Variants in SLC16A3 observed in about 807,000 individuals in gnomAD.
The protein encoded by SLC16A3 is solute carrier family 16 member 3, also known as monocarboxylate transporter 4.
In SLC16A3, 22 loss-of-function variants were observed where a neutral mutation model predicts 25.0. The observed-to-expected ratio is 0.88, with a 90% CI of 0.63 to 1.26. The LOEUF (loss-of-function observed/expected upper bound fraction) is 1.26, where lower values mean the gene tolerates loss of function less well. Among genes scored for constraint, SLC16A3 ranks in the 50% most tolerant of loss-of-function variants. The pLI is 0.00. For missense variants in SLC16A3, 731 were observed against 666.6 expected (o/e 1.10, Z -1.06); for synonymous variants, 390 against 309.2 (o/e 1.26, Z -2.74).
At chr17:82,224,953 GC>G (rs1446086669), upstream of SLC16A3, among the ~76,000 whole-genome samples, 1 of 152,146 alleles carries the variant, frequency 6.6e-6, no homozygotes, top group Non-Finnish European at 1.5e-5. Context: ...TTTCACCTCT[GC>G]CCCCTACCTG....
rs763021958 is a variant in SLC16A3, at chr17:82,238,697, C to T, written c.1124-5C>T. The T allele has an allele frequency of 4.1e-5, 66 of 1,605,084 alleles. No homozygotes were observed. Among genetic ancestry groups the T allele is most frequent in the Non-Finnish European group, 5.2e-5 (61 of 1,175,616 alleles). On this transcript the variant is annotated splice_polypyrimidine_tract_variant and splice_region_variant and intron_variant, in intron 4 of 4. Transcript: ENST00000582743. Reference sequence around the variant, plus strand: ...GCGGCTGGGACTGACGGGGTCTTCCCGCAGGCAAACTCCTGGATGCGACCC... The same window carrying T: ...GCGGCTGGGACTGACGGGGTCTTCCTGCAGGCAAACTCCTGGATGCGACCC...
At chr17:82,230,697 A>C (rs911062363) in intron 1 of SLC16A3, 1 of 152,274 alleles carries the variant, frequency 6.6e-6, no homozygotes, top group African/African-American at 2.4e-5. Flanking sequence ...TGTGGGCCAC[A>C]CTCTGGGCCC....
intron 1 of SLC16A3, among the ~76,000 whole-genome samples, chr17:82,219,944 A>G (rs1428500044): frequency 6.6e-6 from 1 of 152,118 alleles, no homozygotes; most frequent in Non-Finnish European, 1.5e-5. Context: ...GGGGTGGGAC[A>G]CAGGGCAGGT....
chr17:82,225,866 C>G (rs75576125), upstream of SLC16A3, among the ~76,000 whole-genome samples: 2 of 152,246 alleles, frequency 1.3e-5, no homozygotes, highest in East Asian at 3.9e-4. Context: ...CCTGTTCTGC[C>G]ACCCTCCCTG....
upstream of SLC16A3, among the ~76,000 whole-genome samples, chr17:82,227,317 GGGGTTCA>G (rs964708904): frequency 7.2e-5 from 11 of 152,040 alleles, no homozygotes; most frequent in Non-Finnish European, 1.3e-4. Context: ...CTCTACGGTG[GGGGTTCA>G]GGGTTCAGGG....
intron 1 of SLC16A3, among the ~76,000 whole-genome samples, chr17:82,218,254 C>T (rs960364576): frequency 2.8e-4 from 33 of 116,662 alleles, no homozygotes; most frequent in African/African-American, 1.1e-3. Flanking sequence ...AGCCCAGCCT[C>T]GGTCACTGGG....
upstream of SLC16A3, chr17:82,228,406 A>G (rs1239220242): frequency 6.6e-6 from 1 of 152,086 alleles, no homozygotes; most frequent in Non-Finnish European, 1.5e-5. Context: ...GCGCGGAGCC[A>G]CCTGGGGAAA....
chr17:82,236,495 G>A (rs538234387), intron 2 of SLC16A3: 17 of 635,776 alleles, frequency 2.7e-5, no homozygotes, highest in African/African-American at 5.5e-5. Context: ...CCTGAGAGCC[G>A]TTCCTGAAAA....
chr17:82,219,168 C>T (rs2050373650), intron 1 of SLC16A3, among the ~76,000 whole-genome samples: 1 of 152,050 alleles, frequency 6.6e-6, no homozygotes, highest in Non-Finnish European at 1.5e-5. Flanking sequence ...TGCAGGGAAG[C>T]CCCCAAGCTG....
In SLC16A3 at chr17:82,237,507, C is replaced by CCGT. The variant is rs1413567422; in HGVS notation, c.738_740dup (p.Val247dup). On this transcript the variant is annotated inframe_insertion, in exon 4 of 5. Coordinates refer to ENST00000582743, the MANE Select transcript of SLC16A3 (RefSeq NM_004207.4). The stretch of plus-strand genomic sequence containing the variant: ...ATGGTGCTGGGGCTCTTCGTCCCGC[C>CCGT]CGTGTTCGTGGTGAGCTACGCCAAG... The CCGT allele has an allele frequency of 1.1e-5, 17 of 1,611,498 alleles. No individual in the cohort carries two copies. The highest frequency in any genetic ancestry group is 6.7e-5 in the Admixed American group (4 of 59,956).
At chr17:82,233,341 C>G (rs1417489924) in intron 1 of SLC16A3, among the ~76,000 whole-genome samples, 1 of 152,178 alleles carries the variant, frequency 6.6e-6, no homozygotes, top group Non-Finnish European at 1.5e-5. Context: ...TGGCCCTCCC[C>G]ACATGAGCGT....
upstream of SLC16A3, among the ~76,000 whole-genome samples, chr17:82,226,549 G>C (rs543221892): frequency 1.3e-5 from 2 of 152,144 alleles, no homozygotes; most frequent in Non-Finnish European, 2.9e-5. Flanking sequence ...ACACATCCAG[G>C]GTTGTTGAGG....
chr17:82,238,480 A>G (rs1038100580), intron 4 of SLC16A3, among the ~76,000 whole-genome samples: 1 of 152,110 alleles, frequency 6.6e-6, no homozygotes, highest in African/African-American at 2.4e-5. Context: ...CCACAAAGCC[A>G]TTGCTATTTT....
chr17:82,234,271 GGT>G (rs1308250293), intron 1 of SLC16A3: 1 of 147,554 alleles, frequency 6.8e-6, no homozygotes, highest in Non-Finnish European at 1.5e-5. Flanking sequence ...GTCCTAAGGT[GGT>G]GTGTCCTGAG....
In SLC16A3 at chr17:82,239,633, A is replaced by AG. The variant is rs2050711405; in HGVS notation, c.*662dup. ...CGTAGCAGGGGCAGGCGCTGCATGG[A>AG]GGGGGCTGCGGGGCAGGTGCCTGGA... On this transcript the variant is annotated 3_prime_UTR_variant, in exon 5 of 5. Transcript: ENST00000582743. 3.7e-6 allele frequency: 1 copy of AG among 268,180 alleles called. No individual in the cohort carries two copies. The allele number at this position is 268,180 out of a possible 1,614,324, so 16.6% of individuals were successfully genotyped here. A position where few individuals can be genotyped will look rare whatever the true frequency, so the allele number is the denominator to read the frequency against.
rs2050698768 is a variant in SLC16A3 at position 82,239,127 on chromosome 17, G to C, written c.*151G>C. On this transcript the variant is annotated 3_prime_UTR_variant, in exon 5 of 5. Transcript: ENST00000582743. ...TCGTCGCCCGATCAGTGTTTTGAGG[G>C]GGAAGGTGGCGGGGTGGGAACCGTG... is the stretch of plus-strand genomic sequence containing the variant. The C allele has an allele frequency of 1.4e-6, 1 of 731,866 alleles. No individual in the cohort carries two copies. 45.3% of individuals were successfully genotyped at this position (731,866 alleles called of 1,614,324 possible). A position where few individuals can be genotyped will look rare whatever the true frequency, so the allele number is the denominator to read the frequency against.
At chr17:82,224,040 C>G (rs1019731410), upstream of SLC16A3, among the ~76,000 whole-genome samples, 8 of 147,020 alleles carry the variant, frequency 5.4e-5, 1 homozygote, top group Admixed American at 2.7e-4. Context: ...GCAGACACAA[C>G]CCTACACCCG....
chr17:82,222,590 G>A (rs2050395829), intron 1 of SLC16A3, among the ~76,000 whole-genome samples: 1 of 152,140 alleles, frequency 6.6e-6, no homozygotes, highest in African/African-American at 2.4e-5. Flanking sequence ...CCTCACCTGA[G>A]GTCAGGAGTT....
upstream of SLC16A3, among the ~76,000 whole-genome samples, chr17:82,223,457 G>C (rs1038848884): frequency 5.9e-5 from 9 of 152,086 alleles, no homozygotes; most frequent in Admixed American, 4.6e-4. Context: ...TCAAAGTGCT[G>C]GGATTATAGG....
Sources: gnomAD v4.1 joint callset for allele counts (sites outside exome capture counted in the v4.1 genomes callset) on GRCh38, gnomAD v4.1.1 for gene constraint, MANE v1.5 for transcripts, NCBI Gene and HGNC (gene_info 2026-07-23, HGNC 2026-07-21) for gene names.